Variants in TERF2IP observed in about 807,000 individuals in gnomAD.
TERF2IP encodes the protein TERF2 interacting protein.
A neutral mutation model predicts 33.3 loss-of-function variants in TERF2IP; 35 were observed. That is an observed-to-expected ratio of 1.05 (90% CI 0.80 to 1.39). The LOEUF is 1.39. TERF2IP is among the 40% of genes most tolerant of loss of function. TERF2IP has a pLI of 0.00. For missense variants in TERF2IP, 583 were observed against 524.8 expected (o/e 1.11, Z -1.08); for synonymous variants, 253 against 223.2 (o/e 1.13, Z -1.19).
intron 1 of TERF2IP, among the ~76,000 whole-genome samples, chr16:75,648,956 G>A (rs1414297761): frequency 6.6e-6 from 1 of 151,970 alleles, no homozygotes; most frequent in Non-Finnish European, 1.5e-5. Context: ...GGACCTCCTG[G>A]GCTCAAGCGA....
At chr16:75,653,825 A>T (rs1018302111) in intron 1 of TERF2IP, among the ~76,000 whole-genome samples, 6 of 152,142 alleles carry the variant, frequency 3.9e-5, no homozygotes, top group Non-Finnish European at 5.9e-5. Context: ...AAACTCTTTG[A>T]TAAGTCAGCT....
At chr16:75,648,717 C>T (rs1386580302) in intron 1 of TERF2IP, 165 bp downstream of exon 1, 1 of 1,430,486 alleles carries the variant, frequency 7.0e-7, no homozygotes, top group South Asian at 1.5e-5. Context: ...TTCTCGCTCC[C>T]TTGTTGTTTA....
chr16:75,654,498 A>G, intron 2 of TERF2IP, 101 bp downstream of exon 2: 1 of 1,279,522 alleles, frequency 7.8e-7, no homozygotes, highest in Non-Finnish European at 1.1e-6. Context: ...GGCTCAGGAA[A>G]GTGAGAGAGG....
At chr16:75,649,213 A>C (rs1290198244) in intron 1 of TERF2IP, among the ~76,000 whole-genome samples, 1 of 152,102 alleles carries the variant, frequency 6.6e-6, no homozygotes, top group East Asian at 1.9e-4. Flanking sequence ...GAATATTGAC[A>C]TGGTTCTATA....
rs752446617 is a variant in TERF2IP at position 75,648,140 on chromosome 16, C to T, written c.258C>T (p.Asp86=). The change falls in exon 1 of 3, where the codon GAC becomes GAT. Residue 86 remains aspartate, a synonymous_variant. Transcript: ENST00000300086. ...TCATCTCCACGCAGTACATCCTGGACTGCGTGGAGCGCAACGAGAGGCTGG... is the reference window on the plus strand; with the variant it reads ...TCATCTCCACGCAGTACATCCTGGATTGCGTGGAGCGCAACGAGAGGCTGG... ...GDFISTQYIL[D]CVERNERLEL... The T allele has an allele frequency of 1.3e-6, 2 of 1,563,680 alleles. No individual in the cohort carries two copies. Among genetic ancestry groups the T allele is most frequent in the African/African-American group, 1.3e-5 (1 of 74,372 alleles).
rs1160720195 is a variant in TERF2IP at position 75,648,206 on chromosome 16, C to T, written c.324C>T (p.Asp108=). 4 of 1,547,684 alleles carry T rather than the reference C, an allele frequency of 2.6e-6. No homozygotes were observed. The highest frequency in any genetic ancestry group is 2.4e-5 in the South Asian group (2 of 84,526). ...AYRLGPASAA[D]TGSEAKPGAL... ...GGCTGGGCCCCGCCTCGGCGGCGGA[C>T]ACCGGCTCGGAAGCAAAGCCCGGGG... The change falls in exon 1 of 3, where the codon GAC becomes GAT. Residue 108 remains aspartate (D), a synonymous_variant. Coordinates refer to ENST00000300086, the MANE Select transcript of TERF2IP (RefSeq NM_018975.4).
At chr16:75,651,546 A>G (rs969566942) in intron 1 of TERF2IP, among the ~76,000 whole-genome samples, 7 of 152,136 alleles carry the variant, frequency 4.6e-5, no homozygotes, top group Admixed American at 2.0e-4. Flanking sequence ...AAAACTATCC[A>G]GGCATGGTGG....
intron 2 of TERF2IP, among the ~76,000 whole-genome samples, chr16:75,655,970 C>A (rs955040882): frequency 3.9e-5 from 6 of 152,084 alleles, no homozygotes; most frequent in Non-Finnish European, 8.8e-5. Context: ...CATATACTCC[C>A]CCTACCCCTC....
chr16:75,654,178 A>C, intron 1 of TERF2IP, 95 bp from the exon 2 acceptor site: 11 of 670,410 alleles, frequency 1.6e-5, no homozygotes, highest in Non-Finnish European at 2.2e-5. Context: ...AAAAAAGTGC[A>C]GGCTCACTCC....
chr16:75,649,923 C>G (rs2082334819), intron 1 of TERF2IP, among the ~76,000 whole-genome samples: 1 of 152,212 alleles, frequency 6.6e-6, no homozygotes, highest in Non-Finnish European at 1.5e-5. Flanking sequence ...TTTAAAGAGG[C>G]ATGCTGCTTC....
chr16:75,654,113 A>G (rs2082366556), intron 1 of TERF2IP, among the ~76,000 whole-genome samples, 160 bp from the exon 2 acceptor site: 1 of 131,856 alleles, frequency 7.6e-6, no homozygotes, highest in Non-Finnish European at 1.6e-5. Context: ...GGCTTTTTTT[A>G]CCCTTCTGAA....
intron 1 of TERF2IP, among the ~76,000 whole-genome samples, chr16:75,653,459 A>G (rs1431122599): frequency 1.3e-5 from 2 of 152,194 alleles, no homozygotes; most frequent in Non-Finnish European, 2.9e-5. Context: ...ATTTAGAACA[A>G]TTCCATCACG....
chr16:75,651,045 G>A (rs989649171), intron 1 of TERF2IP, among the ~76,000 whole-genome samples: 1 of 152,132 alleles, frequency 6.6e-6, no homozygotes, highest in African/African-American at 2.4e-5. Context: ...ACCATTTGTG[G>A]TTCAGGATGC....
At chr16:75,649,757 G>A (rs945256171) in intron 1 of TERF2IP, among the ~76,000 whole-genome samples, 5 of 152,172 alleles carry the variant, frequency 3.3e-5, no homozygotes, top group Non-Finnish European at 7.4e-5. Context: ...CTCGGCAGTT[G>A]GAAGGTCTCT....
intron 1 of TERF2IP, among the ~76,000 whole-genome samples, chr16:75,649,376 C>CCATGT (rs1331158218): frequency 2.6e-5 from 4 of 152,110 alleles, no homozygotes; most frequent in Non-Finnish European, 5.9e-5. Context: ...AAATGCCGCC[C>CCATGT]CTACTAAAAA....
At chr16:75,651,075 A>G (rs1044764726) in intron 1 of TERF2IP, among the ~76,000 whole-genome samples, 3 of 152,194 alleles carry the variant, frequency 2.0e-5, no homozygotes, top group Non-Finnish European at 4.4e-5. Flanking sequence ...TGCCAGAAGA[A>G]AAAAAGTAAA....
rs1483478134 is a variant in TERF2IP at position 75,656,817 on chromosome 16, G to T, written c.*206G>T. The T allele has an allele frequency of 1.8e-6, 1 of 568,580 alleles. No individual in the cohort carries two copies. Among genetic ancestry groups the T allele is most frequent in the Non-Finnish European group, 3.1e-6 (1 of 324,118 alleles). 35.2% of individuals were successfully genotyped at this position (568,580 alleles called of 1,614,324 possible). ...AGAAAAGAAATTGGATGTATTTACA[G>T]CTGTCCTTGAACAAGTATCAATGTG... On this transcript the variant is annotated 3_prime_UTR_variant, in exon 3 of 3. Coordinates refer to ENST00000300086, the MANE Select transcript of TERF2IP (RefSeq NM_018975.4).
intron 2 of TERF2IP, among the ~76,000 whole-genome samples, chr16:75,655,062 G>C (rs2082375029): frequency 6.6e-6 from 1 of 152,184 alleles, no homozygotes; most frequent in African/African-American, 2.4e-5. Context: ...TGTCACCCAG[G>C]CTGGAGTGCA....
In TERF2IP at chr16:75,656,608, A is replaced by G. The variant is rs141449184; in HGVS notation, c.1197A>G (p.Lys399=). Residue 399 remains lysine, a synonymous_variant, in exon 3 of 3, where the codon AAA becomes AAG. Transcript: ENST00000300086. ...CTCGGAGGATTGAATTTCGAAAGAA[A>G]TAATTGGCAAGATAATGAGAAAAGA... ...NVARRIEFRK[K] The G allele has an allele frequency of 4.3e-5, 69 of 1,590,476 alleles. No homozygotes were observed. The African/African-American group carries it at 8.5e-4, about 20-fold the overall frequency.
Sources: gnomAD v4.1 joint callset for allele counts (sites outside exome capture counted in the v4.1 genomes callset) on GRCh38, gnomAD v4.1.1 for gene constraint, MANE v1.5 for transcripts, NCBI Gene and HGNC (gene_info 2026-07-23, HGNC 2026-07-21) for gene names.